RBFOX1: variants seen among roughly 807,000 people sequenced by gnomAD.
RBFOX1 encodes the protein RNA binding protein fox-1 homolog 1.
Under a neutral mutation model 57.7 loss-of-function variants are expected in RBFOX1, and 8 were observed. The observed-to-expected ratio is 0.14, with a 90% CI of 0.08 to 0.25. The LOEUF is 0.25. RBFOX1 is among the 10% of genes least tolerant of loss of function. The pLI, the probability that RBFOX1 is intolerant of heterozygous loss-of-function variation, is 1.00. For synonymous variants in RBFOX1, 326 were observed against 222.4 expected, an observed-to-expected ratio of 1.47 and a Z score of -4.15; for missense variants, 611 against 548.5, an observed-to-expected ratio of 1.11 and a Z score of -1.14.
At chr16:5,749,740 C>G (rs897722783) in intron 3 of RBFOX1, among the ~76,000 whole-genome samples, 2 of 152,184 alleles carry the variant, frequency 1.3e-5, no homozygotes, top group East Asian at 3.8e-4. Context: ...GACTTCTCTA[C>G]ACTGGTTATT....
chr16:5,694,830 T>C (rs1238768118), intron 3 of RBFOX1, among the ~76,000 whole-genome samples: 1 of 151,166 alleles, frequency 6.6e-6, no homozygotes, highest in African/African-American at 2.4e-5. Flanking sequence ...GCTTGTGCAA[T>C]TGGAGCGATG....
At chr16:6,897,569 G>A (rs1474159844) in intron 3 of RBFOX1, among the ~76,000 whole-genome samples, 1 of 152,198 alleles carries the variant, frequency 6.6e-6, no homozygotes, top group Non-Finnish European at 1.5e-5. Flanking sequence ...CAAGGCGGGC[G>A]GATCACTTGA....
intron 2 of RBFOX1, among the ~76,000 whole-genome samples, chr16:6,509,450 C>T (rs571812728): frequency 6.6e-6 from 1 of 152,240 alleles, no homozygotes; most frequent in Admixed American, 6.5e-5. Context: ...AGGAACTTTG[C>T]ATGTTCTTGC....
intron 3 of RBFOX1, among the ~76,000 whole-genome samples, chr16:6,680,377 C>G (rs1380820196): frequency 2.0e-5 from 3 of 149,582 alleles, no homozygotes; most frequent in Non-Finnish European, 3.0e-5. Context: ...ATTCTCCTGC[C>G]TCAGCCTCCC....
chr16:6,646,011 T>TC (rs2098531441), intron 2 of RBFOX1, among the ~76,000 whole-genome samples: 1 of 152,120 alleles, frequency 6.6e-6, no homozygotes, highest in Non-Finnish European at 1.5e-5. Flanking sequence ...GTTCAGGGTT[T>TC]CCCGGCTACA....
chr16:7,700,801 T>C (rs1179941687), intron 14 of RBFOX1, among the ~76,000 whole-genome samples: 1 of 152,142 alleles, frequency 6.6e-6, no homozygotes, highest in Non-Finnish European at 1.5e-5. Context: ...TCAAATCTGC[T>C]GTTGGGTTTC....
intron 3 of RBFOX1, among the ~76,000 whole-genome samples, chr16:6,674,538 T>C (rs1247795517): frequency 6.6e-6 from 1 of 152,138 alleles, no homozygotes; most frequent in Non-Finnish European, 1.5e-5. Flanking sequence ...ATCAGGATGG[T>C]GTCGAACTCC....
At chr16:7,673,766 C>G (rs1359795516) in intron 13 of RBFOX1, among the ~76,000 whole-genome samples, 2 of 152,174 alleles carry the variant, frequency 1.3e-5, no homozygotes, top group Non-Finnish European at 2.9e-5. Flanking sequence ...GCTGCCCATC[C>G]TGTGAAGAAA....
rs560681553 is a variant in RBFOX1, at chr16:7,194,389, A to G, written c.27+142291A>G. Among the ~76,000 whole-genome samples the G allele has an allele frequency of 9.8e-5, 15 of 152,346 alleles. No homozygotes were observed. The South Asian group carries it at 1.0e-3, about 11-fold the overall frequency. On this transcript the variant is annotated intron_variant, in intron 4 of 15. Transcript: ENST00000550418. The stretch of plus-strand genomic sequence containing the variant: ...ATTTCAATTTAAACAAAGCACATCA[A>G]TGTAAAAAGATACTAAGCAGCTGAC...
intron 3 of RBFOX1, among the ~76,000 whole-genome samples, chr16:7,029,242 G>GTA (rs202079627): frequency 0.057 from 3,495 of 61,780 alleles, 614 homozygotes; most frequent in African/African-American, 0.24. Flanking sequence ...ATACGTATAC[G>GTA]TATATATATA....
In RBFOX1 at chr16:6,796,284, G is replaced by C. The variant is rs146950903; in HGVS notation, c.-16+141634G>C. 8.0e-3 allele frequency among the ~76,000 whole-genome samples: 1,217 copies of C among 152,232 alleles called. 32 individuals are homozygous for C. Among genetic ancestry groups the C allele is most frequent in the African/African-American group, 0.028 (1,173 of 41,534 alleles). On this transcript the variant is annotated intron_variant, in intron 3 of 15. Transcript: ENST00000550418. Reference sequence around the variant, plus strand: ...CCGTAATTCAGTCAACTCTCACTGGGTTCCTCCCATGACACTTGGGAATTG... The same window carrying C: ...CCGTAATTCAGTCAACTCTCACTGGCTTCCTCCCATGACACTTGGGAATTG...
intron 2 of RBFOX1, among the ~76,000 whole-genome samples, chr16:6,446,712 A>G (rs1567293700): frequency 6.6e-6 from 1 of 152,192 alleles, no homozygotes; most frequent in Non-Finnish European, 1.5e-5. Flanking sequence ...TAGATTAAAT[A>G]GAGTTAGTTA....
At chr16:5,573,308 C>A (rs1226055233) in intron 2 of RBFOX1, among the ~76,000 whole-genome samples, 1 of 152,144 alleles carries the variant, frequency 6.6e-6, no homozygotes, top group African/African-American at 2.4e-5. Context: ...GAGGTGAAGG[C>A]CACAAAGGTG....
chr16:5,848,040 C>T (rs538459320), intron 3 of RBFOX1, among the ~76,000 whole-genome samples: 1 of 152,224 alleles, frequency 6.6e-6, no homozygotes, highest in South Asian at 2.1e-4. Context: ...GAGAATTATC[C>T]TGCATGGCAG....
intron 3 of RBFOX1, among the ~76,000 whole-genome samples, chr16:6,937,735 A>G (rs960808707): frequency 6.6e-6 from 1 of 152,068 alleles, no homozygotes; most frequent in African/African-American, 2.4e-5. Context: ...CTGGGTTAGG[A>G]TAAGGGGTTG....
chr16:6,102,740 G>A (rs769828630), intron 1 of RBFOX1, among the ~76,000 whole-genome samples: 1 of 152,126 alleles, frequency 6.6e-6, no homozygotes, highest in African/African-American at 2.4e-5. Context: ...CCTTTACCTT[G>A]ACTTGGTGAA....
intron 3 of RBFOX1, among the ~76,000 whole-genome samples, chr16:6,940,763 A>AGTGTGTGTGTGTGTGTGTGT (rs61349150): frequency 3.5e-5 from 4 of 114,420 alleles, no homozygotes; most frequent in African/African-American, 6.9e-5. Flanking sequence ...ATGTCCCGCT[A>AGTGTGTGTGTGTGTGTGTGT]GTGTGTGTGT....
chr16:6,878,205 C>T (rs17235237), intron 3 of RBFOX1, among the ~76,000 whole-genome samples: 1 of 151,976 alleles, frequency 6.6e-6, no homozygotes, highest in Non-Finnish European at 1.5e-5. Context: ...GGTCACCATG[C>T]AGGCTCATCA....
intron 2 of RBFOX1, among the ~76,000 whole-genome samples, chr16:6,438,473 C>T (rs957797249): frequency 6.6e-6 from 1 of 152,146 alleles, no homozygotes; most frequent in Non-Finnish European, 1.5e-5. Context: ...GGGCTGGATG[C>T]TGTGTGCTTT....
Sources: gnomAD v4.1 joint callset for allele counts (sites outside exome capture counted in the v4.1 genomes callset) on GRCh38, gnomAD v4.1.1 for gene constraint, MANE v1.5 for transcripts, NCBI Gene and HGNC (gene_info 2026-07-23, HGNC 2026-07-21) for gene names.